Variants in KCNQ1OT1 observed in about 807,000 individuals in gnomAD.
KCNQ1OT1 encodes KCNQ1 antisense RNA 2 (non-protein coding).
At chr11:2,632,182 C>CAAAA (rs34998500) in exon 1 of KCNQ1OT1, 71 of 311,978 alleles carry the variant, frequency 2.3e-4, no homozygotes, top group South Asian at 4.0e-4. Context: ...GACTCTGCCT[C>CAAAA]AAAAAAAAAA....
Position 2,654,728 on chromosome 11 carries a change from C to T in KCNQ1OT1, n.45267G>A, listed in dbSNP as rs1849812406. Reference sequence around the variant, plus strand: ...CTTGGGGCTTGAATGCTGACCTAATCTGGGCAGGGAGGGGTCTGGGGCTCG... The same window carrying T: ...CTTGGGGCTTGAATGCTGACCTAATTTGGGCAGGGAGGGGTCTGGGGCTCG... On this transcript the variant is annotated non_coding_transcript_exon_variant, in exon 1 of 1. Coordinates refer to ENST00000597346, the Ensembl canonical transcript of KCNQ1OT1. This position sits in a 1 kb window ranked among gnomAD's most constrained non-coding sequence, Gnocchi z 6.4. 1 of 398,332 alleles carries T rather than the reference C, an allele frequency of 2.5e-6. No individual in the cohort carries two copies. Among genetic ancestry groups the T allele is most frequent in the African/African-American group, 2.1e-5 (1 of 48,476 alleles). The allele number at this position is 398,332 out of a possible 1,614,324, so 24.7% of individuals were successfully genotyped here.
rs1848987848 is a variant in KCNQ1OT1, at chr11:2,612,169, A to T, written n.87826T>A. The T allele has an allele frequency of 2.5e-6, 1 of 398,652 alleles. No individual in the cohort carries two copies. Among genetic ancestry groups the T allele is most frequent in the East Asian group, 3.6e-5 (1 of 28,078 alleles). The allele number at this position is 398,652 out of a possible 1,614,324, so 24.7% of individuals were successfully genotyped here. On this transcript the variant is annotated non_coding_transcript_exon_variant, in exon 1 of 1. Coordinates refer to ENST00000597346, the Ensembl canonical transcript of KCNQ1OT1. This position sits in a 1 kb window ranked among gnomAD's most constrained non-coding sequence, Gnocchi z 5.5. ...ATTAGAAACTGGGCTACACAGCAGG[A>T]GGTGAGCAGCAGGCAAGCAAGCATT...
rs1371366860 is a variant in KCNQ1OT1 at position 2,679,049 on chromosome 11, C to A, written n.20946G>T. 2.5e-6 allele frequency: 1 copy of A among 398,532 alleles called. No homozygotes were observed. Among genetic ancestry groups the A allele is most frequent in the Non-Finnish European group, 4.4e-6 (1 of 226,088 alleles). 24.7% of individuals were successfully genotyped at this position (398,532 alleles called of 1,614,324 possible). A position where few individuals can be genotyped will look rare whatever the true frequency, so the allele number is the denominator to read the frequency against. On this transcript the variant is annotated non_coding_transcript_exon_variant, in exon 1 of 1. Transcript: ENST00000597346. The surrounding 1 kb of genome is among the most constrained non-coding windows in gnomAD (Gnocchi z 4.8). ...CTTGTAGCCCAGCCCCTCCTCCATA[C>A]CAACCACCAAAAAAACCCACTAACA...
At chr11:2,667,926 G>A (rs939641453) in exon 1 of KCNQ1OT1, 17 of 398,582 alleles carry the variant, frequency 4.3e-5, no homozygotes, top group South Asian at 1.3e-4. Context: ...ACCCATGTGT[G>A]CAGCACCCGG....
At chr11:2,686,855 AGAGGCCCTGGTTT>A (rs1333183310) in exon 1 of KCNQ1OT1, 1 of 398,578 alleles carries the variant, frequency 2.5e-6, no homozygotes, top group Non-Finnish European at 4.4e-6. Flanking sequence ...CCCTCTGGCC[AGAGGCCCTGGTTT>A]GTGTCTGCCC....
exon 1 of KCNQ1OT1, chr11:2,681,058 A>G: frequency 2.5e-6 from 1 of 398,618 alleles, no homozygotes. Flanking sequence ...GTGGGCTCCA[A>G]AAAGAGACTT....
In KCNQ1OT1 at chr11:2,687,369, C is replaced by G. The variant is rs1251925701; in HGVS notation, n.12626G>C. ...GGTAGCCAGGTCTGCCTTGGGCTGT[C>G]ACTCAGGGCTGAGCTCTGCTGAAGG... On this transcript the variant is annotated non_coding_transcript_exon_variant, in exon 1 of 1. Transcript: ENST00000597346. This position sits in a 1 kb window ranked among gnomAD's most constrained non-coding sequence, Gnocchi z 5.0. 5.0e-6 allele frequency: 2 copies of G among 398,520 alleles called. No homozygotes were observed. The highest frequency in any genetic ancestry group is 8.8e-6 in the Non-Finnish European group (2 of 226,106). 24.7% of individuals were successfully genotyped at this position (398,520 alleles called of 1,614,324 possible). A position where few individuals can be genotyped will look rare whatever the true frequency, so the allele number is the denominator to read the frequency against.
chr11:2,649,955 T>C (rs1398698568), exon 1 of KCNQ1OT1: 1 of 398,546 alleles, frequency 2.5e-6, no homozygotes, highest in Non-Finnish European at 4.4e-6. Context: ...TAGTGTCTCA[T>C]ATGTCACGCA....
exon 1 of KCNQ1OT1, chr11:2,610,468 ATT>A (rs1421159207): frequency 1.8e-5 from 7 of 397,968 alleles, no homozygotes; most frequent in Non-Finnish European, 3.1e-5. Context: ...GTTTTTATGG[ATT>A]TGAGTTACCA....
chr11:2,674,531 C>T lies in KCNQ1OT1; in HGVS notation n.25464G>A, dbSNP rs985965191. 9 of 398,550 alleles carry T rather than the reference C, an allele frequency of 2.3e-5. No homozygotes were observed. The highest frequency in any genetic ancestry group is 1.3e-4 in the South Asian group (1 of 7,856). 24.7% of individuals were successfully genotyped at this position (398,550 alleles called of 1,614,324 possible). On this transcript the variant is annotated non_coding_transcript_exon_variant, in exon 1 of 1. Coordinates refer to ENST00000597346, the Ensembl canonical transcript of KCNQ1OT1. This position sits in a 1 kb window ranked among gnomAD's most constrained non-coding sequence, Gnocchi z 5.9. ...CTAGATGGCACTTGCAAAGCCCATT[C>T]GGAGGATTTAGACAAATACCTCGAG...
rs1849899003 is a variant in KCNQ1OT1 at position 2,658,828 on chromosome 11, T to C, written n.41167A>G. 1 of 398,486 alleles carries C rather than the reference T, an allele frequency of 2.5e-6. No homozygotes were observed. The highest frequency in any genetic ancestry group is 4.4e-6 in the Non-Finnish European group (1 of 226,046). The allele number at this position is 398,486 out of a possible 1,614,324, so 24.7% of individuals were successfully genotyped here. On this transcript the variant is annotated non_coding_transcript_exon_variant, in exon 1 of 1. Coordinates refer to ENST00000597346, the Ensembl canonical transcript of KCNQ1OT1. This position sits in a 1 kb window ranked among gnomAD's most constrained non-coding sequence, Gnocchi z 4.9. Reference sequence around the variant, plus strand: ...CCCACAACTTATTTATAGCTTTTTCTCTGACAGCTAGAAACCTGGCTCCCA... The same window carrying C: ...CCCACAACTTATTTATAGCTTTTTCCCTGACAGCTAGAAACCTGGCTCCCA...
chr11:2,686,974 A>G (rs1296994885), exon 1 of KCNQ1OT1: 2 of 398,538 alleles, frequency 5.0e-6, no homozygotes, highest in African/African-American at 2.1e-5. Context: ...TGCAGAGGCA[A>G]GGACAACACT....
exon 1 of KCNQ1OT1, chr11:2,692,222 C>T (rs1395029362): frequency 7.5e-6 from 3 of 398,866 alleles, no homozygotes; most frequent in African/African-American, 2.1e-5. Context: ...GCTTCCTCAC[C>T]ACCTGCCCAT....
chr11:2,628,014 A>G, exon 1 of KCNQ1OT1: 1 of 398,616 alleles, frequency 2.5e-6, no homozygotes, highest in Non-Finnish European at 4.4e-6. Context: ...GCCACCCCCA[A>G]GTACTGGGAT....
At chr11:2,634,060 T>C (rs1404572259) in exon 1 of KCNQ1OT1, 4 of 398,510 alleles carry the variant, frequency 1.0e-5, no homozygotes, top group Non-Finnish European at 1.8e-5. Flanking sequence ...TTGTTTGTCC[T>C]ATTTGTGGTC....
In KCNQ1OT1 at chr11:2,613,920, T is replaced by C. The variant is rs539090378; in HGVS notation, n.86075A>G. The C allele has an allele frequency of 1.0e-5, 4 of 398,606 alleles. No homozygotes were observed. In the South Asian group the frequency reaches 5.1e-4, roughly 51 times the overall value. 24.7% of individuals were successfully genotyped at this position (398,606 alleles called of 1,614,324 possible). A position where few individuals can be genotyped will look rare whatever the true frequency, so the allele number is the denominator to read the frequency against. ...TCCCAAAAAAGTACTATTCTGTATA[T>C]GCCCTTTTGAACTTTGCTTTTCTCA... is the stretch of plus-strand genomic sequence containing the variant. On this transcript the variant is annotated non_coding_transcript_exon_variant, in exon 1 of 1. Transcript: ENST00000597346. This position sits in a 1 kb window ranked among gnomAD's most constrained non-coding sequence, Gnocchi z 4.8.
chr11:2,616,516 G>T (rs1849067293), exon 1 of KCNQ1OT1: 2 of 397,642 alleles, frequency 5.0e-6, no homozygotes, highest in Non-Finnish European at 8.9e-6. Flanking sequence ...TTCAGTGTGG[G>T]CATTCACAGC....
chr11:2,640,171 T>C (rs1849550600), exon 1 of KCNQ1OT1: 1 of 381,496 alleles, frequency 2.6e-6, no homozygotes. Flanking sequence ...AGGCGATGCC[T>C]CGCCCTACTT....
chr11:2,642,150 T>G lies in KCNQ1OT1; in HGVS notation n.57845A>C. ...AATTTTAGGATTTTTTCTATTTCCATGAAAAATGGCATTGGTATTTTGAGA... is the reference window on the plus strand; with the variant it reads ...AATTTTAGGATTTTTTCTATTTCCAGGAAAAATGGCATTGGTATTTTGAGA... On this transcript the variant is annotated non_coding_transcript_exon_variant, in exon 1 of 1. Transcript: ENST00000597346. The surrounding 1 kb of genome is among the most constrained non-coding windows in gnomAD (Gnocchi z 4.3). 1 of 398,484 alleles carries G rather than the reference T, an allele frequency of 2.5e-6. No individual in the cohort carries two copies. Among genetic ancestry groups the G allele is most frequent in the Non-Finnish European group, 4.4e-6 (1 of 225,982 alleles). The allele number at this position is 398,484 out of a possible 1,614,324, so 24.7% of individuals were successfully genotyped here. A position where few individuals can be genotyped will look rare whatever the true frequency, so the allele number is the denominator to read the frequency against.
Sources: allele counts gnomAD v4.1 joint callset, GRCh38; gene constraint gnomAD v4.1.1; non-coding constraint Gnocchi (gnomAD v3.1); transcripts MANE v1.5; gene names NCBI Gene and HGNC (gene_info 2026-07-23, HGNC 2026-07-21).